Variants in SHISA6 observed in about 807,000 individuals in gnomAD.
The protein encoded by SHISA6 is shisa family member 6.
In SHISA6, 22 loss-of-function variants were observed where a neutral mutation model predicts 47.9. That is an observed-to-expected ratio of 0.46 (90% CI 0.33 to 0.66). SHISA6 has a LOEUF of 0.66. Among genes scored for constraint, SHISA6 ranks in the 30% least tolerant of loss-of-function variants. The pLI is 0.02. For synonymous variants in SHISA6, 388 were observed against 337.8 expected (o/e 1.15, Z -1.63); for missense variants, 680 against 764.6 (o/e 0.89, Z 1.30).
At chr17:11,287,370 A>C (rs1909345561) in intron 2 of SHISA6, among the ~76,000 whole-genome samples, 1 of 151,998 alleles carries the variant, frequency 6.6e-6, no homozygotes, top group African/African-American at 2.4e-5. Context: ...ATGAGATTGT[A>C]CTTTATACAA....
At chr17:11,501,313 T>C (rs2071451094) in intron 3 of SHISA6, among the ~76,000 whole-genome samples, 1 of 152,130 alleles carries the variant, frequency 6.6e-6, no homozygotes, top group Non-Finnish European at 1.5e-5. Context: ...GGTTTCACCA[T>C]GTTGGTCAGG....
intron 2 of SHISA6, among the ~76,000 whole-genome samples, chr17:11,378,536 T>G (rs1003517208): frequency 6.6e-6 from 1 of 152,266 alleles, no homozygotes; most frequent in Non-Finnish European, 1.5e-5. Context: ...GTACATACTT[T>G]AGGAGGGCAT....
rs1295741204 is a variant in SHISA6, at chr17:11,350,170, A to AT, written c.800-29241dup. On this transcript the variant is annotated intron_variant, in intron 2 of 5. Transcript: ENST00000441885. Reference sequence around the variant, plus strand: ...CCATGCCCGGCTAATTTATTTATTTATTTATTTATTTATTTTTTTTTTTTT... The same window carrying AT: ...CCATGCCCGGCTAATTTATTTATTTATTTTATTTATTTATTTTTTTTTTTTT... 1.1e-3 allele frequency among the ~76,000 whole-genome samples: 112 copies of AT among 105,402 alleles called. 1 individual carries two copies. The highest frequency in any genetic ancestry group is 3.3e-3 in the African/African-American group (83 of 25,190). 69.1% of individuals were successfully genotyped at this position (105,402 alleles called of 152,430 possible).
intron 3 of SHISA6, among the ~76,000 whole-genome samples, chr17:11,458,286 T>A (rs1915601735): frequency 6.6e-6 from 1 of 152,118 alleles, no homozygotes; most frequent in Non-Finnish European, 1.5e-5. Flanking sequence ...GTTACCTTAA[T>A]GAAATGATGA....
Position 11,285,195 on chromosome 17 carries a change from G to A in SHISA6, c.799+21669G>A, listed in dbSNP as rs551267567. On this transcript the variant is annotated intron_variant, in intron 2 of 5. Transcript: ENST00000441885. ...GCAGTTAGGGTGTCTGCTTATTCCA[G>A]TTTGATCTGAGGAACTTCAAATGAG... 3.9e-5 allele frequency among the ~76,000 whole-genome samples: 6 copies of A among 152,344 alleles called. No individual in the cohort carries two copies. The South Asian group carries it at 1.2e-3, about 32-fold the overall frequency.
Position 11,558,629 on chromosome 17 carries a change from T to G in SHISA6, c.*325T>G. 8.1e-6 allele frequency: 3 copies of G among 368,642 alleles called. No individual in the cohort carries two copies. Among genetic ancestry groups the G allele is most frequent in the East Asian group, 5.2e-5 (1 of 19,116 alleles). 22.8% of individuals were successfully genotyped at this position (368,642 alleles called of 1,614,324 possible). On this transcript the variant is annotated 3_prime_UTR_variant, in exon 6 of 6. Coordinates refer to ENST00000441885, the MANE Select transcript of SHISA6 (RefSeq NM_207386.4). ...TCCGTCCCGCGCCTCCTTCTCCCCA[T>G]CCGGGGGACTCAGCTGCAGGTTCTG...
At chr17:11,396,258 A>G (rs542945744) in intron 3 of SHISA6, among the ~76,000 whole-genome samples, 1 of 152,324 alleles carries the variant, frequency 6.6e-6, no homozygotes, top group East Asian at 1.9e-4. Flanking sequence ...TTTTCTTAAT[A>G]TAGTATTGGA....
chr17:11,371,453 T>C (rs1024812895), intron 2 of SHISA6, among the ~76,000 whole-genome samples: 5 of 152,244 alleles, frequency 3.3e-5, no homozygotes, highest in African/African-American at 1.2e-4. Context: ...GGGAGGTACA[T>C]GGGAAAGAGG....
chr17:11,258,559 A>AT (rs747202662), intron 1 of SHISA6, among the ~76,000 whole-genome samples: 27 of 152,310 alleles, frequency 1.8e-4, no homozygotes, highest in African/African-American at 5.5e-4. Flanking sequence ...CACCATATTT[A>AT]TTTTAAAATT....
At chr17:11,338,924 A>G (rs184142237) in intron 2 of SHISA6, among the ~76,000 whole-genome samples, 1 of 152,346 alleles carries the variant, frequency 6.6e-6, no homozygotes, top group East Asian at 1.9e-4. Context: ...GGATTACTGA[A>G]CTAATTAAAT....
chr17:11,256,462 C>T (rs1908010524), intron 1 of SHISA6, among the ~76,000 whole-genome samples: 2 of 152,186 alleles, frequency 1.3e-5, no homozygotes, highest in Admixed American at 6.5e-5. Context: ...CACCGCTGCA[C>T]TCCAGTCTGG....
chr17:11,241,594 C>T lies in SHISA6; in HGVS notation c.172C>T (p.Leu58=). ...CGCCCTGGCACGGGGCGGCCGCGAGCTGAACGGCACCGCCCGGGCGCCCGG... is the reference window on the plus strand; with the variant it reads ...CGCCCTGGCACGGGGCGGCCGCGAGTTGAACGGCACCGCCCGGGCGCCCGG... ...GGALARGGRE[L]NGTARAPGIP... Residue 58 remains leucine (L), a synonymous_variant, in exon 1 of 6, where the codon CTG becomes TTG. Coordinates refer to ENST00000441885, the MANE Select transcript of SHISA6 (RefSeq NM_207386.4). This position sits in a 1 kb window ranked among gnomAD's most constrained non-coding sequence, Gnocchi z 5.5. 1 of 1,195,654 alleles carries T rather than the reference C, an allele frequency of 8.4e-7. No individual in the cohort carries two copies. Among genetic ancestry groups the T allele is most frequent in the Non-Finnish European group, 1.0e-6 (1 of 967,980 alleles). The allele number at this position is 1,195,654 out of a possible 1,614,324, so 74.1% of individuals were successfully genotyped here. A position where few individuals can be genotyped will look rare whatever the true frequency, so the allele number is the denominator to read the frequency against.
chr17:11,415,106 A>G (rs1914243717), intron 3 of SHISA6, among the ~76,000 whole-genome samples: 1 of 152,106 alleles, frequency 6.6e-6, no homozygotes, highest in African/African-American at 2.4e-5. Flanking sequence ...GAAAGAAAAA[A>G]ACAATGAATA....
chr17:11,265,915 C>A (rs1295759631), intron 2 of SHISA6, among the ~76,000 whole-genome samples: 1 of 152,188 alleles, frequency 6.6e-6, no homozygotes, highest in Non-Finnish European at 1.5e-5. Flanking sequence ...TTACATGATT[C>A]ACTTCTATGT....
chr17:11,503,617 C>G (rs1194330610), intron 3 of SHISA6, among the ~76,000 whole-genome samples: 1 of 152,202 alleles, frequency 6.6e-6, no homozygotes, highest in Non-Finnish European at 1.5e-5. Context: ...AGACCAGCCT[C>G]AGAGACCGTT....
chr17:11,305,815 G>C (rs946823109), intron 2 of SHISA6, among the ~76,000 whole-genome samples: 4 of 152,082 alleles, frequency 2.6e-5, no homozygotes, highest in African/African-American at 9.7e-5. Flanking sequence ...CTTATGTCTC[G>C]GAGCGGAGGC....
intron 3 of SHISA6, among the ~76,000 whole-genome samples, chr17:11,456,430 C>G (rs1216219673): frequency 2.6e-5 from 4 of 152,294 alleles, no homozygotes; most frequent in Admixed American, 2.0e-4. Flanking sequence ...CAGAAATAAG[C>G]AGAAACTGGA....
intron 3 of SHISA6, among the ~76,000 whole-genome samples, chr17:11,546,520 A>G (rs2071885085): frequency 6.6e-6 from 1 of 152,246 alleles, no homozygotes; most frequent in Non-Finnish European, 1.5e-5. Flanking sequence ...GGTTAGATAT[A>G]AAAGGCTAGA....
chr17:11,318,144 T>C (rs1597455484), intron 2 of SHISA6, among the ~76,000 whole-genome samples: 1 of 143,512 alleles, frequency 7.0e-6, no homozygotes, highest in Non-Finnish European at 1.5e-5. Flanking sequence ...CAGGAAAAAA[T>C]GGAGCATTAC....
Sources: gnomAD v4.1 joint callset for allele counts (sites outside exome capture counted in the v4.1 genomes callset) on GRCh38, gnomAD v4.1.1 for gene constraint, Gnocchi (gnomAD v3.1) non-coding constraint, MANE v1.5 for transcripts, NCBI Gene and HGNC (gene_info 2026-07-23, HGNC 2026-07-21) for gene names.